OSBPL3: variants seen among roughly 807,000 people sequenced by gnomAD.
OSBPL3 encodes oxysterol binding protein like 3, also known as oxysterol-binding protein-related protein 3.
OSBPL3 carries 65 observed loss-of-function variants against 120.1 expected under a neutral mutation model. That is an observed-to-expected ratio of 0.54 (90% CI 0.44 to 0.67). The LOEUF (loss-of-function observed/expected upper bound fraction) is 0.67, where lower values mean the gene tolerates loss of function less well. Ranked by LOEUF, OSBPL3 falls within the 30% of genes least tolerant of loss-of-function variation. OSBPL3 has a pLI of 0.00. For synonymous variants in OSBPL3, 416 were observed against 402.6 expected, an observed-to-expected ratio of 1.03 and a Z score of -0.40; for missense variants, 1,004 against 1,082.1, an observed-to-expected ratio of 0.93 and a Z score of 1.01.
Position 24,900,016 on chromosome 7 carries a change from G to A in OSBPL3, c.-149-7395C>T, listed in dbSNP as rs568321702. On this transcript the variant is annotated intron_variant, in intron 1 of 22. Coordinates refer to ENST00000313367, the MANE Select transcript of OSBPL3 (RefSeq NM_015550.4). This position sits in a 1 kb window ranked among gnomAD's most constrained non-coding sequence, Gnocchi z 4.5. ...ATCCTTCTATTTGTGTATGTGTGACGTGGCAGAGGGTAGGAAGCTAAAACC... is the reference window on the plus strand; with the variant it reads ...ATCCTTCTATTTGTGTATGTGTGACATGGCAGAGGGTAGGAAGCTAAAACC... Among the ~76,000 whole-genome samples, 23 of 152,182 alleles carry A rather than the reference G, an allele frequency of 1.5e-4. No individual in the cohort carries two copies. Among genetic ancestry groups the A allele is most frequent in the Middle Eastern group, 3.2e-3 (1 of 316 alleles).
chr7:24,816,367 G>A (rs1794462174), intron 18 of OSBPL3, among the ~76,000 whole-genome samples: 1 of 152,170 alleles, frequency 6.6e-6, no homozygotes, highest in South Asian at 2.1e-4. Flanking sequence ...GTGGAAATGA[G>A]TTTTTAATAA....
intron 19 of OSBPL3, among the ~76,000 whole-genome samples, chr7:24,814,037 T>G (rs1210808184): frequency 6.6e-6 from 1 of 152,024 alleles, no homozygotes; most frequent in Non-Finnish European, 1.5e-5. Flanking sequence ...GAGGAGGGTA[T>G]GGAGAGCAGA....
Position 24,852,761 on chromosome 7 carries a change from A to G in OSBPL3, c.1028-127T>C. 4.8e-6 allele frequency: 3 copies of G among 623,300 alleles called. No individual in the cohort carries two copies. The highest frequency in any genetic ancestry group is 7.9e-6 in the Non-Finnish European group (3 of 381,990). The allele number at this position is 623,300 out of a possible 1,614,324, so 38.6% of individuals were successfully genotyped here. ...GCCCTGAATATTTTGAGTATAGCAA[A>G]TGTACATTCTACCTTGACTTTTAAA... is the stretch of plus-strand genomic sequence containing the variant. On this transcript the variant is annotated intron_variant, in intron 10 of 22. Coordinates refer to ENST00000313367, the MANE Select transcript of OSBPL3 (RefSeq NM_015550.4). This position sits in a 1 kb window ranked among gnomAD's most constrained non-coding sequence, Gnocchi z 4.1.
At chr7:24,934,508 G>A (rs996637089) in intron 1 of OSBPL3, among the ~76,000 whole-genome samples, 21 of 152,050 alleles carry the variant, frequency 1.4e-4, no homozygotes, top group African/African-American at 5.1e-4. Context: ...TCTATCTTTT[G>A]GCCCCCAACC....
chr7:24,978,697 C>CT (rs1021412968), intron 1 of OSBPL3, among the ~76,000 whole-genome samples: 1 of 152,234 alleles, frequency 6.6e-6, no homozygotes, highest in Admixed American at 6.5e-5. Flanking sequence ...GTGGAAGTAT[C>CT]TCTTTTGCAG....
chr7:24,908,627 C>T (rs1284518912), intron 1 of OSBPL3, among the ~76,000 whole-genome samples: 2 of 152,170 alleles, frequency 1.3e-5, no homozygotes, highest in East Asian at 3.8e-4. Context: ...TCCAGTGATG[C>T]TATCTATATC....
intron 14 of OSBPL3, among the ~76,000 whole-genome samples, chr7:24,839,276 C>T (rs17292166): frequency 0.025 from 3,877 of 152,268 alleles, 79 homozygotes; most frequent in Middle Eastern, 0.051. Context: ...CTTGATGCTA[C>T]GAGGACCCAT....
rs1342255840 is a variant in OSBPL3, at chr7:24,798,706, T to C, written c.*1477A>G. 1 of 152,580 alleles carries C rather than the reference T, an allele frequency of 6.6e-6. No individual in the cohort carries two copies. Among genetic ancestry groups the C allele is most frequent in the Non-Finnish European group, 1.5e-5 (1 of 68,030 alleles). 9.5% of individuals were successfully genotyped at this position (152,580 alleles called of 1,614,324 possible). On this transcript the variant is annotated 3_prime_UTR_variant, in exon 23 of 23. Transcript: ENST00000313367. The surrounding 1 kb of genome is among the most constrained non-coding windows in gnomAD (Gnocchi z 4.6). ...TCATGCATTCTTTTCCTGTAATTAT[T>C]TTACTCTTCATTCATAACATTCGAT...
intron 1 of OSBPL3, among the ~76,000 whole-genome samples, chr7:24,917,525 T>C (rs1181527746): frequency 6.7e-6 from 1 of 150,342 alleles, no homozygotes; most frequent in African/African-American, 2.4e-5. Context: ...TTGTAACTCC[T>C]AATTTAAGCT....
At chr7:24,885,600 T>TA (rs1175522516) in intron 2 of OSBPL3, among the ~76,000 whole-genome samples, 1 of 152,234 alleles carries the variant, frequency 6.6e-6, no homozygotes, top group Non-Finnish European at 1.5e-5. Flanking sequence ...CACTTGTCAA[T>TA]TATTTTGACA....
At chr7:24,903,628 G>A (rs1257713584) in intron 1 of OSBPL3, among the ~76,000 whole-genome samples, 5 of 152,184 alleles carry the variant, frequency 3.3e-5, no homozygotes, top group Non-Finnish European at 7.3e-5. Flanking sequence ...GGACTTTTCA[G>A]AAGTCTGACA....
intron 1 of OSBPL3, among the ~76,000 whole-genome samples, chr7:24,908,964 AGTTACTTTGCGT>A (rs1808361268): frequency 6.6e-6 from 1 of 152,230 alleles, no homozygotes; most frequent in African/African-American, 2.4e-5. Flanking sequence ...TCTGTGCTGT[AGTTACTTTGCGT>A]GTCCTTTTCA....
intron 1 of OSBPL3, among the ~76,000 whole-genome samples, chr7:24,948,867 AGTT>A (rs1196189335): frequency 6.6e-6 from 1 of 152,254 alleles, no homozygotes; most frequent in Non-Finnish European, 1.5e-5. Flanking sequence ...ACAGGAAATC[AGTT>A]GTTCGTAATA....
chr7:24,809,112 T>C (rs1203832345), intron 20 of OSBPL3, among the ~76,000 whole-genome samples: 1 of 152,174 alleles, frequency 6.6e-6, no homozygotes, highest in African/African-American at 2.4e-5. Flanking sequence ...GCACACAGCC[T>C]AACGGTTTAA....
intron 9 of OSBPL3, 113 bp from the exon 10 acceptor site, chr7:24,861,882 GTC>G: frequency 1.7e-5 from 10 of 592,322 alleles, no homozygotes; most frequent in East Asian, 7.1e-5. Context: ...TTATAGGTAG[GTC>G]TTTTTTTTTT....
chr7:24,956,963 A>G (rs1240072322), intron 1 of OSBPL3, among the ~76,000 whole-genome samples: 2 of 152,228 alleles, frequency 1.3e-5, no homozygotes, highest in African/African-American at 4.8e-5. Flanking sequence ...GATTTTGGGC[A>G]CATCCCTTTA....
At chr7:24,973,839 T>C (rs1486920088) in intron 1 of OSBPL3, among the ~76,000 whole-genome samples, 1 of 152,182 alleles carries the variant, frequency 6.6e-6, no homozygotes, top group African/African-American at 2.4e-5. Context: ...AAAGATGACT[T>C]TGATATTTCT....
At chr7:24,828,628 A>G (rs931164781) in intron 16 of OSBPL3, among the ~76,000 whole-genome samples, 5 of 147,840 alleles carry the variant, frequency 3.4e-5, no homozygotes, top group Admixed American at 3.3e-4. Flanking sequence ...AAAAGAAAAA[A>G]AAAAAAAAGG....
chr7:24,868,311 C>T (rs574677442), intron 5 of OSBPL3, among the ~76,000 whole-genome samples: 51 of 142,614 alleles, frequency 3.6e-4, no homozygotes, highest in South Asian at 6.8e-4. Flanking sequence ...AGCAAGACTC[C>T]GTCTCAAAAA....
Sources: allele counts gnomAD v4.1 joint callset (sites outside exome capture counted in the v4.1 genomes callset), GRCh38; gene constraint gnomAD v4.1.1; non-coding constraint Gnocchi (gnomAD v3.1); transcripts MANE v1.5; gene names NCBI Gene and HGNC (gene_info 2026-07-23, HGNC 2026-07-21).